ADGRD1: variants seen among roughly 807,000 people sequenced by gnomAD.
ADGRD1 encodes adhesion G protein-coupled receptor D1.
In ADGRD1, 77 loss-of-function variants were observed where a neutral mutation model predicts 113.4. The ratio of observed to expected loss-of-function variants is 0.68; its 90% CI spans 0.57 to 0.82. The LOEUF (loss-of-function observed/expected upper bound fraction) is 0.82. Among genes scored for constraint, ADGRD1 ranks in the 40% least tolerant of loss-of-function variants. ADGRD1 has a pLI of 0.00. For missense variants in ADGRD1, 1,036 were observed against 1,139.1 expected (o/e 0.91, Z 1.30); for synonymous variants, 474 against 475.0 (o/e 1.00, Z 0.03).
intron 2 of ADGRD1, among the ~76,000 whole-genome samples, chr12:130,962,011 A>G (rs1870428881): frequency 6.6e-6 from 1 of 152,120 alleles, no homozygotes; most frequent in South Asian, 2.1e-4. Flanking sequence ...GTGCCAGCTG[A>G]TGGTTTCCAG....
At chr12:131,125,651 T>C (rs1955487978) in intron 20 of ADGRD1, among the ~76,000 whole-genome samples, 1 of 152,212 alleles carries the variant, frequency 6.6e-6, no homozygotes, top group African/African-American at 2.4e-5. Context: ...TAGGTACAGA[T>C]AAGCATAAAT....
intron 2 of ADGRD1, chr12:130,962,941 A>C (rs1198640027): frequency 6.6e-6 from 1 of 152,246 alleles, no homozygotes; most frequent in Non-Finnish European, 1.5e-5. Flanking sequence ...CAGTTATCTG[A>C]AAATGATGGT....
chr12:131,137,016 T>TAC lies in ADGRD1; in HGVS notation c.2436+3_2436+4dup. ...TTTCATTGTCTCCTGAATTCAGAGG[T>TAC]ACGTCCGCTCTGCTTGCTGGCAGGT... On this transcript the variant is annotated splice_region_variant and intron_variant, in intron 23 of 24. Transcript: ENST00000261654. The TAC allele has an allele frequency of 1.9e-6, 3 of 1,611,192 alleles. No individual in the cohort carries two copies. Among genetic ancestry groups the TAC allele is most frequent in the Non-Finnish European group, 2.5e-6 (3 of 1,177,330 alleles).
At chr12:131,131,682 C>G (rs754440680) in intron 20 of ADGRD1, 43 bp from the exon 21 acceptor site, 1 of 1,384,132 alleles carries the variant, frequency 7.2e-7, no homozygotes, top group East Asian at 2.4e-5. Context: ...CCTGCAGGTG[C>G]AGCCCAGGCC....
chr12:131,103,197 T>G (rs1950135490), intron 15 of ADGRD1, among the ~76,000 whole-genome samples: 1 of 152,260 alleles, frequency 6.6e-6, no homozygotes, highest in South Asian at 2.1e-4. Context: ...TGCCCAGCCC[T>G]CAGCCTCTCT....
chr12:131,035,557 G>T (rs984983060), intron 13 of ADGRD1: 1 of 152,244 alleles, frequency 6.6e-6, no homozygotes, highest in South Asian at 2.1e-4. Flanking sequence ...GACCGCCTCT[G>T]CATTTTATGC....
Position 131,075,677 on chromosome 12 carries a change from CT to C in ADGRD1, c.1474-1123del, listed in dbSNP as rs1269348785. ...GGTTCTGCAGTGGGGTCCGAGGTGCCTGTCAGGGGCACCAGAGCTGCTGCTT... is the reference window on the plus strand; with the variant it reads ...GGTTCTGCAGTGGGGTCCGAGGTGCCGTCAGGGGCACCAGAGCTGCTGCTT... On this transcript the variant is annotated intron_variant, in intron 13 of 24. Transcript: ENST00000261654. This position sits in a 1 kb window ranked among gnomAD's most constrained non-coding sequence, Gnocchi z 5.3. 2.0e-5 allele frequency among the ~76,000 whole-genome samples: 3 copies of C among 152,176 alleles called. No homozygotes were observed. Among genetic ancestry groups the C allele is most frequent in the Non-Finnish European group, 4.4e-5 (3 of 68,028 alleles).
rs375975230 is a variant in ADGRD1, at chr12:131,014,368, G to A, written c.1473+28G>A. The A allele has an allele frequency of 2.3e-5, 37 of 1,593,544 alleles. No homozygotes were observed. In the South Asian group the frequency reaches 2.4e-4, roughly 10 times the overall value. On this transcript the variant is annotated intron_variant, in intron 13 of 24. Coordinates refer to ENST00000261654, the MANE Select transcript of ADGRD1 (RefSeq NM_198827.5). ...GAGTGGCGGTGCCTTCACCCTTGTC[G>A]CCGCCTTTGATCTGGTTTCACACTG...
At chr12:131,004,345 T>C in intron 11 of ADGRD1, 49 bp downstream of exon 11, 1 of 1,348,288 alleles carries the variant, frequency 7.4e-7, no homozygotes, top group Non-Finnish European at 1.1e-6. Context: ...CCCTCAAGTC[T>C]TTCTGAAGAG....
chr12:131,013,772 A>T (rs1878218796), intron 12 of ADGRD1, among the ~76,000 whole-genome samples: 2 of 152,244 alleles, frequency 1.3e-5, no homozygotes, highest in South Asian at 4.1e-4. Flanking sequence ...ACACTCAGAC[A>T]GGGTGAGTTA....
intron 13 of ADGRD1, among the ~76,000 whole-genome samples, chr12:131,029,852 C>T (rs1466001601): frequency 3.4e-5 from 2 of 59,036 alleles, no homozygotes; most frequent in African/African-American, 1.1e-4. Context: ...TTGCGGACCC[C>T]TCGTTCGGTG....
In ADGRD1 at chr12:131,131,807, G is replaced by A. The variant is rs767106366; in HGVS notation, c.2258G>A (p.Ser753Asn). ...AACTACAAGATCCATGGAGACCCCA[G>A]TGCCTTCAAGTAAGTTGACCTCAGG... Reference protein sequence around the residue: ...ADNYKIHGDPSAFKLTAKAVA... With the variant: ...ADNYKIHGDPNAFKLTAKAVA... Residue 753 changes from serine to asparagine, a missense_variant, in exon 21 of 25, where the codon AGT (serine) becomes AAT (asparagine). Coordinates refer to ENST00000261654, the MANE Select transcript of ADGRD1 (RefSeq NM_198827.5). The A allele has an allele frequency of 1.7e-4, 272 of 1,608,738 alleles. No homozygotes were observed. Among genetic ancestry groups the A allele is most frequent in the Non-Finnish European group, 2.3e-4 (266 of 1,175,274 alleles).
intron 8 of ADGRD1, among the ~76,000 whole-genome samples, chr12:130,998,112 G>C (rs578126927): frequency 1.3e-5 from 2 of 151,984 alleles, no homozygotes; most frequent in Non-Finnish European, 2.9e-5. Flanking sequence ...GCAGTGAGCC[G>C]AGATGGCAGC....
intron 15 of ADGRD1, among the ~76,000 whole-genome samples, chr12:131,102,183 G>A (rs1043110292): frequency 7.2e-5 from 11 of 152,288 alleles, no homozygotes; most frequent in Non-Finnish European, 1.3e-4. Context: ...AATGTCATGC[G>A]GAAACTGGAG....
chr12:130,966,409 CT>C lies in ADGRD1; in HGVS notation c.104-53del. ...GTGTGTGCTAAGCGGTTCTTACCCTCTGGTTCTTTCCTCTCTAATGATGATT... is the reference window on the plus strand; with the variant it reads ...GTGTGTGCTAAGCGGTTCTTACCCTCGGTTCTTTCCTCTCTAATGATGATT... On this transcript the variant is annotated intron_variant, in intron 2 of 24. Transcript: ENST00000261654. This position sits in a 1 kb window ranked among gnomAD's most constrained non-coding sequence, Gnocchi z 4.6. 6.9e-6 allele frequency: 8 copies of C among 1,159,266 alleles called. No individual in the cohort carries two copies. The highest frequency in any genetic ancestry group is 9.1e-6 in the Non-Finnish European group (7 of 766,842). The allele number at this position is 1,159,266 out of a possible 1,614,324, so 71.8% of individuals were successfully genotyped here.
intron 15 of ADGRD1, among the ~76,000 whole-genome samples, chr12:131,097,218 G>A (rs1028890086): frequency 3.9e-5 from 6 of 152,292 alleles, no homozygotes; most frequent in East Asian, 1.9e-4. Flanking sequence ...CAAGCTGTGC[G>A]GCCAGGGGAG....
chr12:131,073,606 C>T (rs925202569), intron 13 of ADGRD1, among the ~76,000 whole-genome samples: 1 of 152,224 alleles, frequency 6.6e-6, no homozygotes, highest in South Asian at 2.1e-4. Flanking sequence ...AGTCCATTTT[C>T]TGTTGTTATA....
intron 20 of ADGRD1, among the ~76,000 whole-genome samples, chr12:131,124,179 TG>T (rs1490485107): frequency 2.0e-5 from 3 of 152,232 alleles, no homozygotes; most frequent in Non-Finnish European, 2.9e-5. Flanking sequence ...TTGTGCCATC[TG>T]GGCCAATTCC....
At chr12:130,996,999 C>T (rs1403130888) in intron 8 of ADGRD1, among the ~76,000 whole-genome samples, 1 of 135,618 alleles carries the variant, frequency 7.4e-6, no homozygotes, top group African/African-American at 2.9e-5. Context: ...GGCGGCTGGC[C>T]AGGCGGGGGG....
Sources: allele counts gnomAD v4.1 joint callset (sites outside exome capture counted in the v4.1 genomes callset), GRCh38; gene constraint gnomAD v4.1.1; non-coding constraint Gnocchi (gnomAD v3.1); transcripts MANE v1.5; gene names NCBI Gene and HGNC (gene_info 2026-07-23, HGNC 2026-07-21).